ZBTB20: variants seen among roughly 807,000 people sequenced by gnomAD.
The protein encoded by ZBTB20 is zinc finger and BTB domain containing 20.
In ZBTB20, 9 loss-of-function variants were observed where a neutral mutation model predicts 56.9. The ratio of observed to expected loss-of-function variants is 0.16; its 90% CI spans 0.10 to 0.28. The LOEUF (loss-of-function observed/expected upper bound fraction) is 0.28. Among genes scored for constraint, ZBTB20 ranks in the 10% least tolerant of loss-of-function variants. ZBTB20 has a pLI of 1.00. For synonymous variants in ZBTB20, 417 were observed against 420.7 expected, an observed-to-expected ratio of 0.99 and a Z score of 0.11; for missense variants, 655 against 1,003.0, an observed-to-expected ratio of 0.65 and a Z score of 4.69.
At chr3:114,551,924 GC>G (rs2050630292) in intron 6 of ZBTB20, among the ~76,000 whole-genome samples, 1 of 152,144 alleles carries the variant, frequency 6.6e-6, no homozygotes, top group African/African-American at 2.4e-5. Context: ...CTCATCTTCA[GC>G]TAAAAATATA....
chr3:114,369,033 GAC>G (rs2082711144), intron 10 of ZBTB20, among the ~76,000 whole-genome samples: 1 of 152,024 alleles, frequency 6.6e-6, no homozygotes, highest in South Asian at 2.1e-4. Flanking sequence ...TTTTCCATTA[GAC>G]ACAGAGTTAT....
intron 4 of ZBTB20, among the ~76,000 whole-genome samples, chr3:114,839,052 T>C (rs1030848720): frequency 1.3e-5 from 2 of 152,142 alleles, no homozygotes; most frequent in African/African-American, 4.8e-5. Context: ...AGAATCAGCA[T>C]GAACCAGCCA....
At chr3:114,453,537 A>G (rs1257659375) in intron 7 of ZBTB20, 2 of 152,246 alleles carry the variant, frequency 1.3e-5, no homozygotes, top group East Asian at 3.9e-4. Flanking sequence ...CTAGTCACCA[A>G]ATTGATTATT....
At chr3:115,067,543 T>TAA (rs77914966) in intron 2 of ZBTB20, among the ~76,000 whole-genome samples, 18 of 131,154 alleles carry the variant, frequency 1.4e-4, no homozygotes, top group Admixed American at 2.3e-4. Flanking sequence ...GAAAAATCAG[T>TAA]AAAAAAAAAA....
intron 4 of ZBTB20, among the ~76,000 whole-genome samples, chr3:114,871,886 A>G (rs1358743653): frequency 2.0e-5 from 3 of 152,162 alleles, no homozygotes; most frequent in Non-Finnish European, 4.4e-5. Context: ...AACAACACAT[A>G]GGACCTTCAA....
At chr3:114,344,331 T>C (rs1209608366) in intron 11 of ZBTB20, among the ~76,000 whole-genome samples, 1 of 152,180 alleles carries the variant, frequency 6.6e-6, no homozygotes, top group Non-Finnish European at 1.5e-5. Context: ...GAAAATAGCA[T>C]CTCCAAGTAG....
intron 3 of ZBTB20, among the ~76,000 whole-genome samples, chr3:114,910,310 C>A (rs1466250163): frequency 6.6e-6 from 1 of 151,148 alleles, no homozygotes; most frequent in African/African-American, 2.4e-5. Context: ...CGCGTGCACA[C>A]ACACACACAC....
intron 4 of ZBTB20, among the ~76,000 whole-genome samples, chr3:114,871,305 T>C (rs1012516515): frequency 2.6e-5 from 4 of 152,148 alleles, no homozygotes; most frequent in East Asian, 1.9e-4. Flanking sequence ...TTTAGGTCCA[T>C]GGATAGATGT....
chr3:114,995,567 T>G (rs1035292249), intron 2 of ZBTB20, among the ~76,000 whole-genome samples: 4 of 151,872 alleles, frequency 2.6e-5, no homozygotes, highest in Admixed American at 6.6e-5. Flanking sequence ...AAGTCACAAA[T>G]GCTGCTTTTA....
Position 114,421,479 on chromosome 3 carries a change from G to A in ZBTB20, c.-254-32374C>T, listed in dbSNP as rs574812158. Among the ~76,000 whole-genome samples, 7 of 152,244 alleles carry A rather than the reference G, an allele frequency of 4.6e-5. No individual in the cohort carries two copies. In the East Asian group the frequency reaches 7.7e-4, roughly 17 times the overall value. ...TCACTGCAGACGGCAGCAATGAGCCGACGTTTTGTAAAGTGGAGAGAGATT... is the reference window on the plus strand; with the variant it reads ...TCACTGCAGACGGCAGCAATGAGCCAACGTTTTGTAAAGTGGAGAGAGATT... On this transcript the variant is annotated intron_variant, in intron 7 of 11. Transcript: ENST00000675478.
intron 3 of ZBTB20, among the ~76,000 whole-genome samples, chr3:114,952,868 A>G (rs11923714): frequency 0.13 from 19,291 of 152,012 alleles, 2,696 homozygotes; most frequent in African/African-American, 0.35. Context: ...CAGACAGAAG[A>G]CAAATGATAC....
intron 3 of ZBTB20, chr3:114,900,765 T>C (rs2075086587): frequency 6.6e-6 from 1 of 152,098 alleles, no homozygotes; most frequent in African/African-American, 2.4e-5. Flanking sequence ...TTGGATAGAA[T>C]GTTGTTAAGG....
intron 4 of ZBTB20, among the ~76,000 whole-genome samples, chr3:114,817,372 G>A (rs2072998453): frequency 6.6e-6 from 1 of 151,846 alleles, no homozygotes; most frequent in South Asian, 2.1e-4. Context: ...TACAAAATTA[G>A]CCAGGCATGG....
chr3:114,769,568 T>C (rs1578785895), intron 5 of ZBTB20, among the ~76,000 whole-genome samples: 1 of 20,188 alleles, frequency 5.0e-5, no homozygotes, highest in East Asian at 2.5e-3. Flanking sequence ...TATATATATA[T>C]ATATATATAT....
intron 6 of ZBTB20, among the ~76,000 whole-genome samples, chr3:114,642,292 A>C (rs1271334769): frequency 6.6e-6 from 1 of 151,982 alleles, no homozygotes; most frequent in Non-Finnish European, 1.5e-5. Flanking sequence ...TTAGAACTTC[A>C]TTTGTGTTTA....
At chr3:115,002,061 G>A (rs1433384104) in intron 2 of ZBTB20, among the ~76,000 whole-genome samples, 3 of 151,470 alleles carry the variant, frequency 2.0e-5, no homozygotes, top group East Asian at 3.9e-4. Context: ...TGGAACAGAA[G>A]AGAGAGGCCA....
chr3:114,632,869 G>A (rs2059036860), intron 6 of ZBTB20, among the ~76,000 whole-genome samples: 1 of 152,180 alleles, frequency 6.6e-6, no homozygotes, highest in South Asian at 2.1e-4. Flanking sequence ...CTTAATGTCA[G>A]GGTTTCCAAG....
chr3:114,784,549 T>A (rs767363108), intron 5 of ZBTB20, among the ~76,000 whole-genome samples: 15 of 151,798 alleles, frequency 9.9e-5, no homozygotes, highest in Non-Finnish European at 2.2e-4. Context: ...GAACAAAGAG[T>A]TTTCACTATC....
At chr3:114,640,567 A>G (rs541658265) in intron 6 of ZBTB20, among the ~76,000 whole-genome samples, 1 of 152,188 alleles carries the variant, frequency 6.6e-6, no homozygotes, top group South Asian at 2.1e-4. Flanking sequence ...GAGAGTTTCC[A>G]GTTTCAGTTC....
Sources: gnomAD v4.1 joint callset for allele counts (sites outside exome capture counted in the v4.1 genomes callset) on GRCh38, gnomAD v4.1.1 for gene constraint, MANE v1.5 for transcripts, NCBI Gene and HGNC (gene_info 2026-07-23, HGNC 2026-07-21) for gene names.